ABLIM3: variants seen among roughly 807,000 people sequenced by gnomAD.
ABLIM3 encodes actin-binding LIM protein 3.
Under a neutral mutation model 109.5 loss-of-function variants are expected in ABLIM3, and 61 were observed. That is an observed-to-expected ratio of 0.56 (90% CI 0.45 to 0.69). ABLIM3 has a LOEUF of 0.69. ABLIM3 is among the 30% of genes least tolerant of loss of function. ABLIM3 has a pLI of 0.00. For missense variants in ABLIM3, 796 were observed against 889.5 expected (o/e 0.89, Z 1.34); for synonymous variants, 300 against 324.8 (o/e 0.92, Z 0.82).
intron 23 of ABLIM3, among the ~76,000 whole-genome samples, chr5:149,253,965 A>C (rs1754197247): frequency 6.6e-6 from 1 of 152,188 alleles, no homozygotes; most frequent in South Asian, 2.1e-4. Context: ...AAGGCAAAGG[A>C]GGAGTAAAGT....
chr5:149,151,455 G>T (rs1235995473), intron 2 of ABLIM3, among the ~76,000 whole-genome samples: 4 of 152,158 alleles, frequency 2.6e-5, no homozygotes, highest in Non-Finnish European at 5.9e-5. Flanking sequence ...GACTCCTCAA[G>T]GAGATTTTCT....
intron 6 of ABLIM3, among the ~76,000 whole-genome samples, chr5:149,207,950 C>T (rs192141141): frequency 1.3e-5 from 2 of 152,372 alleles, no homozygotes; most frequent in Admixed American, 1.3e-4. Flanking sequence ...AGCACAGATC[C>T]TTTGTCACAG....
intron 2 of ABLIM3, 49 bp downstream of exon 2, chr5:149,142,157 G>GGC: frequency 1.3e-6 from 2 of 1,535,608 alleles, no homozygotes; most frequent in Non-Finnish European, 1.8e-6. Context: ...GTGGGGGCGG[G>GGC]AGGTGAGGGA....
At position 149,259,329 on chromosome 5, in the gene ABLIM3, G is replaced by A. The variant is rs544023044; in HGVS notation, c.*925G>A. On this transcript the variant is annotated 3_prime_UTR_variant, in exon 24 of 24. Coordinates refer to ENST00000309868, the MANE Select transcript of ABLIM3 (RefSeq NM_014945.5). ...ATTCTTTAGCCTTATTACAATCTAT[G>A]TGCCTGACAACTCAACACACCGCAG... is the stretch of plus-strand genomic sequence containing the variant. The A allele has an allele frequency of 2.1e-6, 3 of 1,427,208 alleles. No individual in the cohort carries two copies. In the East Asian group the frequency reaches 7.6e-5, roughly 36 times the overall value. 88.4% of individuals were successfully genotyped at this position (1,427,208 alleles called of 1,614,324 possible).
At chr5:149,256,996 A>G (rs1379734854) in intron 23 of ABLIM3, among the ~76,000 whole-genome samples, 1 of 152,238 alleles carries the variant, frequency 6.6e-6, no homozygotes, top group Non-Finnish European at 1.5e-5. Flanking sequence ...GAAATTCTGA[A>G]GGTATGGGGA....
chr5:149,201,719 A>G (rs1356854397), intron 5 of ABLIM3, among the ~76,000 whole-genome samples: 1 of 152,192 alleles, frequency 6.6e-6, no homozygotes, highest in Non-Finnish European at 1.5e-5. Context: ...GCTCCTTGAA[A>G]GCATCATCCA....
At chr5:149,225,232 AC>A (rs1354101106) in intron 8 of ABLIM3, among the ~76,000 whole-genome samples, 10 of 75,288 alleles carry the variant, frequency 1.3e-4, no homozygotes, top group Admixed American at 4.1e-4. Context: ...ATGTTGTACA[AC>A]CCCCACCTCT....
chr5:149,215,785 G>T (rs1760020260), intron 7 of ABLIM3, among the ~76,000 whole-genome samples: 1 of 152,096 alleles, frequency 6.6e-6, no homozygotes, highest in African/African-American at 2.4e-5. Flanking sequence ...ATATACAAAT[G>T]CTGGAGCCGC....
chr5:149,197,964 A>T (rs536407775), intron 3 of ABLIM3, among the ~76,000 whole-genome samples: 2 of 152,164 alleles, frequency 1.3e-5, no homozygotes, highest in South Asian at 4.2e-4. Flanking sequence ...TCTCGGGGTG[A>T]TACTGATGCT....
chr5:149,210,916 T>G, intron 7 of ABLIM3, 97 bp downstream of exon 7: 5 of 1,134,856 alleles, frequency 4.4e-6, no homozygotes, highest in Non-Finnish European at 5.4e-6. Flanking sequence ...ATACCTTTTT[T>G]TCCATAGCCT....
chr5:149,226,448 C>T (rs1455389174), intron 8 of ABLIM3, among the ~76,000 whole-genome samples: 3 of 152,032 alleles, frequency 2.0e-5, no homozygotes, highest in Non-Finnish European at 4.4e-5. Context: ...CACACCACTC[C>T]CCTCCAGCCT....
chr5:149,161,160 T>A (rs539447971), intron 2 of ABLIM3, among the ~76,000 whole-genome samples: 16 of 152,256 alleles, frequency 1.1e-4, no homozygotes, highest in African/African-American at 3.9e-4. Flanking sequence ...CACCCACAGC[T>A]CATCTGCCCG....
chr5:149,257,340 G>A (rs1403299892), intron 23 of ABLIM3, among the ~76,000 whole-genome samples: 2 of 149,506 alleles, frequency 1.3e-5, no homozygotes, highest in Admixed American at 1.3e-4. Context: ...ACAAGCCAGA[G>A]AACTGACTGT....
At chr5:149,147,457 G>T (rs539626815) in intron 2 of ABLIM3, among the ~76,000 whole-genome samples, 1 of 152,198 alleles carries the variant, frequency 6.6e-6, no homozygotes, top group African/African-American at 2.4e-5. Context: ...TGCTGGATTT[G>T]ATTTGGTAGT....
chr5:149,163,354 A>G (rs573566125), intron 2 of ABLIM3, among the ~76,000 whole-genome samples: 3 of 152,302 alleles, frequency 2.0e-5, no homozygotes, highest in African/African-American at 7.2e-5. Flanking sequence ...ATTCCCTGAC[A>G]GCTTTTATAT....
At chr5:149,188,245 A>ACATG (rs1757159865) in intron 3 of ABLIM3, among the ~76,000 whole-genome samples, 1 of 152,220 alleles carries the variant, frequency 6.6e-6, no homozygotes, top group South Asian at 2.1e-4. Flanking sequence ...TTTGCACATG[A>ACATG]CATGATCTTG....
chr5:149,209,401 C>G (rs1345923246), intron 6 of ABLIM3, among the ~76,000 whole-genome samples: 2 of 152,204 alleles, frequency 1.3e-5, no homozygotes, highest in Non-Finnish European at 2.9e-5. Context: ...TGGCAAGGGA[C>G]TCCACTGCTC....
At chr5:149,207,407 C>A (rs926042578) in intron 6 of ABLIM3, among the ~76,000 whole-genome samples, 1 of 152,160 alleles carries the variant, frequency 6.6e-6, no homozygotes, top group African/African-American at 2.4e-5. Context: ...CCCCTCCGGC[C>A]GTCTCTCATT....
intron 8 of ABLIM3, among the ~76,000 whole-genome samples, chr5:149,230,384 A>C (rs1761725889): frequency 6.6e-6 from 1 of 152,164 alleles, no homozygotes; most frequent in Admixed American, 6.5e-5. Context: ...AGTCACCCCC[A>C]ACTGGCAGGT....
Sources: allele counts gnomAD v4.1 joint callset (sites outside exome capture counted in the v4.1 genomes callset), GRCh38; gene constraint gnomAD v4.1.1; transcripts MANE v1.5; gene names NCBI Gene and HGNC (gene_info 2026-07-23, HGNC 2026-07-21).